The following TAS2R1 variants were observed in gnomAD, a reference collection of about 807,000 sequenced individuals.
TAS2R1 encodes the protein taste 2 receptor member 1.
For missense variants in TAS2R1, 370 were observed against 353.4 expected, an observed-to-expected ratio of 1.05 and a Z score of -0.38; for synonymous variants, 141 against 134.2, an observed-to-expected ratio of 1.05 and a Z score of -0.35.
At chr5:9,755,073 T>C in the TAS2R1 span, among the ~76,000 whole-genome samples, 14 of 152,142 alleles carry the variant, frequency 9.2e-5, no homozygotes, top group African/African-American at 3.4e-4. Context: ...GTCAGATGGG[T>C]TAATTCCATA....
At position 9,630,226 on chromosome 5, in the gene TAS2R1, AAGG is replaced by A; in HGVS notation, c.-197_-195del. On this transcript the variant is annotated 5_prime_UTR_variant, in exon 1 of 1. Transcript: ENST00000382492. ...CTATTTAGTTCTGAGACAGTCAAAT[AAGG>A]AGGAGATACTCTAGCATCAATTTGC... The A allele has an allele frequency of 2.3e-6, 1 of 440,086 alleles. No homozygotes were observed. The highest frequency in any genetic ancestry group is 4.1e-6 in the Non-Finnish European group (1 of 244,744). 27.3% of individuals were successfully genotyped at this position (440,086 alleles called of 1,614,324 possible).
the TAS2R1 span, among the ~76,000 whole-genome samples, chr5:9,755,586 C>CT: frequency 2.5e-5 from 2 of 81,502 alleles, no homozygotes; most frequent in Non-Finnish European, 5.3e-5. Context: ...GACTCCATCT[C>CT]CAAAAAAAAA....
the TAS2R1 span, among the ~76,000 whole-genome samples, chr5:9,887,630 C>T: frequency 1.3e-5 from 2 of 152,184 alleles, no homozygotes; most frequent in Non-Finnish European, 2.9e-5. Flanking sequence ...TATTCATTGG[C>T]TCCAACAATA....
At chr5:9,822,840 T>C in the TAS2R1 span, among the ~76,000 whole-genome samples, 9 of 152,224 alleles carry the variant, frequency 5.9e-5, 1 homozygote, top group Middle Eastern at 0.01. Context: ...AATTTTCCCA[T>C]TCTTTTGCTG....
chr5:9,699,049 AGT>A (rs1363826954), intron 1 of TAS2R1, among the ~76,000 whole-genome samples: 3 of 152,224 alleles, frequency 2.0e-5, no homozygotes, highest in Non-Finnish European at 4.4e-5. Context: ...GCTCACTCAG[AGT>A]CCTTAGTACT....
chr5:9,874,346 C>T, the TAS2R1 span, among the ~76,000 whole-genome samples: 3 of 152,112 alleles, frequency 2.0e-5, no homozygotes, highest in African/African-American at 7.2e-5. Flanking sequence ...TTATTGTTTG[C>T]TTTCAATGTC....
the TAS2R1 span, among the ~76,000 whole-genome samples, chr5:9,725,230 C>T: frequency 2.0e-5 from 3 of 152,232 alleles, no homozygotes; most frequent in Non-Finnish European, 2.9e-5. Flanking sequence ...CCCTTCAGCC[C>T]GCTGCTGCAC....
chr5:9,709,543 AG>A (rs1203407930), intron 1 of TAS2R1, among the ~76,000 whole-genome samples: 1 of 152,170 alleles, frequency 6.6e-6, no homozygotes, highest in Non-Finnish European at 1.5e-5. Flanking sequence ...ACATGGCAGA[AG>A]TGGTGGGATT....
the TAS2R1 span, among the ~76,000 whole-genome samples, chr5:9,877,523 A>G: frequency 6.6e-6 from 1 of 152,230 alleles, no homozygotes; most frequent in Non-Finnish European, 1.5e-5. Flanking sequence ...AAATACACAC[A>G]TGCAGTCTCC....
chr5:9,743,854 T>C, the TAS2R1 span, among the ~76,000 whole-genome samples: 1 of 152,182 alleles, frequency 6.6e-6, no homozygotes, highest in East Asian at 1.9e-4. Flanking sequence ...AAAATTCTCT[T>C]TGGAAATGAT....
chr5:9,793,879 G>A, the TAS2R1 span, among the ~76,000 whole-genome samples: 5 of 152,254 alleles, frequency 3.3e-5, no homozygotes, highest in African/African-American at 7.2e-5. Context: ...CCTGTGTCTC[G>A]GTCCAGAACC....
the TAS2R1 span, among the ~76,000 whole-genome samples, chr5:9,870,956 A>G: frequency 1.3e-5 from 2 of 152,236 alleles, no homozygotes; most frequent in Non-Finnish European, 2.9e-5. Context: ...ATTTGAAAAC[A>G]TAAGTACCAG....
At chr5:9,659,237 A>G (rs192863400) in intron 2 of TAS2R1, among the ~76,000 whole-genome samples, 1 of 152,208 alleles carries the variant, frequency 6.6e-6, no homozygotes, top group Admixed American at 6.5e-5. Flanking sequence ...GACCCCATGA[A>G]CTACTCCCCC....
the TAS2R1 span, among the ~76,000 whole-genome samples, chr5:9,800,202 A>G: frequency 6.6e-6 from 1 of 152,212 alleles, no homozygotes; most frequent in Non-Finnish European, 1.5e-5. Context: ...TCAAAATCCT[A>G]CGATGTTCCA....
chr5:9,800,205 A>G, the TAS2R1 span, among the ~76,000 whole-genome samples: 1 of 152,232 alleles, frequency 6.6e-6, no homozygotes, highest in Non-Finnish European at 1.5e-5. Flanking sequence ...AAATCCTACG[A>G]TGTTCCAAAC....
At chr5:9,804,822 T>C in the TAS2R1 span, among the ~76,000 whole-genome samples, 135 of 151,980 alleles carry the variant, frequency 8.9e-4, no homozygotes, top group African/African-American at 3.2e-3. Context: ...TCTAAGCTCA[T>C]GCCTCATGGA....
At chr5:9,887,514 G>A in the TAS2R1 span, among the ~76,000 whole-genome samples, 1 of 152,128 alleles carries the variant, frequency 6.6e-6, no homozygotes, top group East Asian at 1.9e-4. Context: ...CTATCTGCCT[G>A]TTGAGTTTTT....
At chr5:9,903,482 C>T in the TAS2R1 span, 2 of 151,928 alleles carry the variant, frequency 1.3e-5, no homozygotes, top group Non-Finnish European at 2.9e-5. Context: ...CCTCACCCAC[C>T]CTTTCCCCCA....
the TAS2R1 span, among the ~76,000 whole-genome samples, chr5:9,737,593 C>T: frequency 6.6e-6 from 1 of 152,116 alleles, no homozygotes; most frequent in Non-Finnish European, 1.5e-5. Flanking sequence ...ATGAGCCCAG[C>T]CTGCCAGGTC....
Sources: gnomAD v4.1 joint callset for allele counts (sites outside exome capture counted in the v4.1 genomes callset) on GRCh38, gnomAD v4.1.1 for gene constraint, MANE v1.5 for transcripts, NCBI Gene and HGNC (gene_info 2026-07-23, HGNC 2026-07-21) for gene names.